Variants in IRS4 observed in about 807,000 individuals in gnomAD.
The protein encoded by IRS4 is 160 kDa phosphotyrosine protein.
Under a neutral mutation model 48.6 loss-of-function variants are expected in IRS4, and 15 were observed. The observed-to-expected ratio is 0.31, with a 90% CI of 0.21 to 0.48. The LOEUF (loss-of-function observed/expected upper bound fraction) is 0.48. IRS4 is among the 20% of genes least tolerant of loss of function. The pLI, the probability that IRS4 is intolerant of heterozygous loss-of-function variation, is 0.99. For synonymous variants in IRS4, 459 were observed against 413.2 expected (o/e 1.11, Z -1.34); for missense variants, 987 against 1,023.4 (o/e 0.96, Z 0.49).
rs767357663 is a variant in IRS4, at chrX:108,734,365, G to A, written c.1980C>T (p.Asp660=). Residue 660 remains aspartate, a synonymous_variant, in exon 1 of 2, where the codon GAC becomes GAT. Coordinates refer to ENST00000372129, the MANE Select transcript of IRS4 (RefSeq NM_001379150.1). ...CTTTGCATTCTTTCGTGGCTCCTCT[G>A]TCAACACAAAAATAAAGTCTGAATC... ...GGRFRLYFCV[D]RGATKECKEA... 1 of 1,211,278 alleles carries A rather than the reference G, an allele frequency of 8.3e-7. No homozygotes were observed.
Position 108,736,450 on chromosome X carries a change from C to A in IRS4, c.-106G>T. ...CCTCGTCTGCCCGCCCCAGCCCCCT[C>A]CTGCCTTGGCCCGCGCCCCCGCCCA... On this transcript the variant is annotated 5_prime_UTR_variant, in exon 1 of 2. Coordinates refer to ENST00000372129, the MANE Select transcript of IRS4 (RefSeq NM_001379150.1). The A allele has an allele frequency of 1.8e-6, 2 of 1,127,565 alleles. No homozygotes were observed. Among genetic ancestry groups the A allele is most frequent in the Non-Finnish European group, 2.4e-6 (2 of 842,869 alleles). 92.9% of individuals were successfully genotyped at this position (1,127,565 alleles called of 1,213,427 possible).
Position 108,734,953 on chromosome X carries a change from G to GCCAGAA in IRS4, c.1386_1391dup (p.Ser465_Gly466dup). 8.3e-7 allele frequency: 1 copy of GCCAGAA among 1,212,000 alleles called. No homozygotes were observed. The highest frequency in any genetic ancestry group is 1.8e-5 in the South Asian group (1 of 57,003). ...TGCCTTCCTCCCCAAAGTTGCCAGAGCCAGAACCAGACACTTCAGAAGACA... is the reference window on the plus strand; with the variant it reads ...TGCCTTCCTCCCCAAAGTTGCCAGAGCCAGAACCAGAACCAGACACTTCAGAAGACA... On this transcript the variant is annotated inframe_insertion, in exon 1 of 2. Coordinates refer to ENST00000372129, the MANE Select transcript of IRS4 (RefSeq NM_001379150.1).
chrX:108,728,746 C>A (rs2068885839), intron 1 of IRS4, among the ~76,000 whole-genome samples: 1 of 112,101 alleles, frequency 8.9e-6, no homozygotes, highest in Admixed American at 9.5e-5. Flanking sequence ...TCTATTCCCA[C>A]AGGAATTATT....
At position 108,721,410 on chromosome X, in the gene IRS4, T is replaced by A. The variant is rs1228080421; in HGVS notation, c.*1109A>T. On this transcript the variant is annotated 3_prime_UTR_variant, in exon 2 of 2. Transcript: ENST00000372129. ...GGGAGCTTGCTCTGATTTTTTTTTTTAATTTGGTACATCTTATATTGGCTC... is the reference window on the plus strand; with the variant it reads ...GGGAGCTTGCTCTGATTTTTTTTTTAAATTTGGTACATCTTATATTGGCTC... 1 of 111,273 alleles carries A rather than the reference T, an allele frequency of 9.0e-6. No individual in the cohort carries two copies. The highest frequency in any genetic ancestry group is 1.9e-5 in the Non-Finnish European group (1 of 52,940). The allele number at this position is 111,273 out of a possible 1,213,427, so 9.2% of individuals were successfully genotyped here.
chrX:108,735,499 G>A lies in IRS4; in HGVS notation c.846C>T (p.Ile282=). Residue 282 remains isoleucine, a synonymous_variant, in exon 1 of 2, where the codon ATC becomes ATT. Coordinates refer to ENST00000372129, the MANE Select transcript of IRS4 (RefSeq NM_001379150.1). ...ACTGCTCCGAGTGTCCACAGCGACG[G>A]ATGCTCAGGAGCTGGACGACCACGC... ...VASVVVQLLS[I]RRCGHSEQYF... is the part of the protein sequence containing the mutation. The A allele has an allele frequency of 8.3e-7, 1 of 1,210,805 alleles. No homozygotes were observed.
intron 1 of IRS4, chrX:108,726,685 T>C (rs1315526654): frequency 1.8e-5 from 2 of 112,348 alleles, no homozygotes; most frequent in African/African-American, 6.5e-5. Context: ...TAGGAAATTA[T>C]TAATCATAGG....
intron 1 of IRS4, among the ~76,000 whole-genome samples, chrX:108,728,731 C>A (rs2068885817): frequency 1.8e-5 from 2 of 112,090 alleles, no homozygotes; most frequent in South Asian, 7.3e-4. Context: ...CACTCGTCAG[C>A]CACATCTATT....
At position 108,732,601 on chromosome X, in the gene IRS4, A is replaced by T. The variant is rs558561914; in HGVS notation, c.3744T>A (p.Asn1248Lys). ...GACCTCTTTTGGGAGAGTCGAACTG[A>T]TTATCACGTCTGGCAAAATCCATTC... ...HVRMDFARRD[N>K]QFDSPKRE Residue 1248 changes from asparagine to lysine, a missense_variant, in exon 1 of 2, where the codon AAT (asparagine) becomes AAA (lysine). Transcript: ENST00000372129. 1.4e-5 allele frequency: 17 copies of T among 1,209,757 alleles called. No homozygotes were observed. The South Asian group carries it at 2.5e-4, about 18-fold the overall frequency.
intron 1 of IRS4, chrX:108,726,106 T>C (rs2068873860): frequency 8.9e-6 from 1 of 112,830 alleles, no homozygotes; most frequent in Admixed American, 9.4e-5. Context: ...ATAGGCAGTT[T>C]CAAATTTACA....
At position 108,729,800 on chromosome X, in the gene IRS4, T is replaced by A. The variant is rs183848597; in HGVS notation, c.3766+2779A>T. 1.4e-3 allele frequency among the ~76,000 whole-genome samples: 157 copies of A among 111,958 alleles called. 4 individuals are homozygous for A. Among genetic ancestry groups the A allele is most frequent in the African/African-American group, 4.6e-3 (142 of 30,884 alleles). ...TAATCTCACTTCACTTAAATGGTAA[T>A]CTATAAACATGCCAACTGAACAATA... On this transcript the variant is annotated intron_variant, in intron 1 of 1. Transcript: ENST00000372129.
rs767008297 is a variant in IRS4 at position 108,732,659 on chromosome X, T to C, written c.3686A>G (p.Glu1229Gly). 8.3e-7 allele frequency: 1 copy of C among 1,211,676 alleles called. No homozygotes were observed. Among genetic ancestry groups the C allele is most frequent in the Non-Finnish European group, 1.1e-6 (1 of 895,505 alleles). Residue 1229 changes from glutamate (E) to glycine (G), a missense_variant, in exon 1 of 2, where the codon GAA becomes GGA. Physicochemically the swap from Glu to Gly is moderately conservative, Grantham distance 98. Coordinates refer to ENST00000372129, the MANE Select transcript of IRS4 (RefSeq NM_001379150.1). ...SRRVPRPPER[E>G]DSDNDDDTHV... ...AGTGTCGTCGTCGTTGTCAGAATCTTCTCTCTCCGGGGGTCTTGGCACCCG... is the reference window on the plus strand; with the variant it reads ...AGTGTCGTCGTCGTTGTCAGAATCTCCTCTCTCCGGGGGTCTTGGCACCCG...
chrX:108,723,036 TAAAAG>T (rs1305942939), intron 1 of IRS4: 1 of 112,436 alleles, frequency 8.9e-6, no homozygotes, highest in Admixed American at 9.4e-5. Flanking sequence ...ATCTGTTTAA[TAAAAG>T]AAAAAAGTTC....
intron 1 of IRS4, among the ~76,000 whole-genome samples, chrX:108,728,296 G>A (rs1365389786): frequency 8.9e-6 from 1 of 112,131 alleles, no homozygotes; most frequent in Non-Finnish European, 1.9e-5. Flanking sequence ...CCAGGTCCTG[G>A]AAGATAGTCC....
chrX:108,736,542 C>T lies in IRS4; in HGVS notation c.-198G>A, dbSNP rs2068956307. 1 of 663,529 alleles carries T rather than the reference C, an allele frequency of 1.5e-6. No individual in the cohort carries two copies. The highest frequency in any genetic ancestry group is 2.8e-5 in the South Asian group (1 of 35,198). 54.7% of individuals were successfully genotyped at this position (663,529 alleles called of 1,213,427 possible). On this transcript the variant is annotated 5_prime_UTR_variant, in exon 1 of 2. Transcript: ENST00000372129. The stretch of plus-strand genomic sequence containing the variant: ...CCACAGCCTCACGCGGCGGCCGCTG[C>T]GGATCCTGCTACCGGCGCAATGGAG...
In IRS4 at chrX:108,735,219, G is replaced by C. The variant is rs770126958; in HGVS notation, c.1126C>G (p.Arg376Gly). Residue 376 changes from arginine (R) to glycine (G), a missense_variant, in exon 1 of 2, where the codon CGC (arginine) becomes GGC (glycine). Arg to Gly is a moderately radical substitution (Grantham distance 125, BLOSUM62 -2). Coordinates refer to ENST00000372129, the MANE Select transcript of IRS4 (RefSeq NM_001379150.1). Reference sequence around the variant, plus strand: ...CTGAGGTGGCAAAACTGCTCAAAGCGGGACCTTCTGAGCCAGCCTCCCGGC... The same window carrying C: ...CTGAGGTGGCAAAACTGCTCAAAGCCGGACCTTCTGAGCCAGCCTCCCGGC... The part of the protein sequence containing the change: ...LEPGGWLRRS[R>G]FEQFCHLRAI... 1.7e-6 allele frequency: 2 copies of C among 1,211,548 alleles called. No individual in the cohort carries two copies. Among genetic ancestry groups the C allele is most frequent in the African/African-American group, 1.7e-5 (1 of 57,748 alleles).
chrX:108,736,252 G>A lies in IRS4; in HGVS notation c.93C>T (p.Thr31=). Residue 31 remains threonine, a synonymous_variant, in exon 1 of 2, where the codon ACC becomes ACT. Coordinates refer to ENST00000372129, the MANE Select transcript of IRS4 (RefSeq NM_001379150.1). Reference sequence around the variant, plus strand: ...GGGTTCCCGAGGAAAGAAGCGGGGTGGTCACCACTGCTGCTAGAGCTGCCG... The same window carrying A: ...GGGTTCCCGAGGAAAGAAGCGGGGTAGTCACCACTGCTGCTAGAGCTGCCG... ...AAAAALAAVV[T]TPLLSSGTPT... 8.3e-7 allele frequency: 1 copy of A among 1,210,964 alleles called. No homozygotes were observed. Among genetic ancestry groups the A allele is most frequent in the Non-Finnish European group, 1.1e-6 (1 of 895,335 alleles).
chrX:108,730,783 A>G (rs2068898312), intron 1 of IRS4, among the ~76,000 whole-genome samples: 1 of 112,263 alleles, frequency 8.9e-6, no homozygotes, highest in Non-Finnish European at 1.9e-5. Context: ...TAAACTTCTT[A>G]AAATAAACCT....
chrX:108,735,767 A>G lies in IRS4; in HGVS notation c.578T>C (p.Leu193Pro). The G allele has an allele frequency of 1.7e-6, 2 of 1,206,998 alleles. No homozygotes were observed. Among genetic ancestry groups the G allele is most frequent in the Non-Finnish European group, 2.2e-6 (2 of 893,578 alleles). The change falls in exon 1 of 2, where the codon CTG (leucine) becomes CCG (proline). Residue 193 changes from leucine (L) to proline (P), a missense_variant. Coordinates refer to ENST00000372129, the MANE Select transcript of IRS4 (RefSeq NM_001379150.1). ...GCTCTCGAGGATGAGGCGGCTGAGC[A>G]GCAAGTACCAGCTTTCCTGCTCCGA... is the stretch of plus-strand genomic sequence containing the variant. ...NESEQESWYL[L>P]LSRLILESKR... is the part of the protein sequence containing the mutation.
intron 1 of IRS4, among the ~76,000 whole-genome samples, chrX:108,731,702 A>G (rs2068902615): frequency 8.9e-6 from 1 of 111,804 alleles, no homozygotes; most frequent in South Asian, 3.7e-4. Flanking sequence ...TTGATTTCCC[A>G]TAAGATATAT....
Sources: allele counts gnomAD v4.1 joint callset (sites outside exome capture counted in the v4.1 genomes callset), GRCh38; gene constraint gnomAD v4.1.1; transcripts MANE v1.5; gene names NCBI Gene and HGNC (gene_info 2026-07-23, HGNC 2026-07-21).